GRID2: variants seen among roughly 807,000 people sequenced by gnomAD.
The protein encoded by GRID2 is glutamate receptor ionotropic, delta-2.
Under a neutral mutation model 114.8 loss-of-function variants are expected in GRID2, and 33 were observed. The observed-to-expected ratio is 0.29, with a 90% CI of 0.22 to 0.38. The LOEUF (loss-of-function observed/expected upper bound fraction) is 0.38, where lower values mean the gene tolerates loss of function less well. Ranked by LOEUF, GRID2 falls within the 10% of genes least tolerant of loss-of-function variation. The probability of loss-of-function intolerance (pLI) is 1.00; values close to 1 mark genes in which losing one functional copy is unlikely to be tolerated. For synonymous variants in GRID2, 505 were observed against 449.9 expected, an observed-to-expected ratio of 1.12 and a Z score of -1.55; for missense variants, 1,184 against 1,257.7, an observed-to-expected ratio of 0.94 and a Z score of 0.89.
intron 14 of GRID2, among the ~76,000 whole-genome samples, chr4:93,706,556 T>C (rs1175224702): frequency 3.3e-5 from 5 of 152,226 alleles, no homozygotes; most frequent in African/African-American, 1.2e-4. Context: ...GATTTTTGTA[T>C]GTTGATTTTG....
chr4:92,365,096 GA>G (rs1423882894), intron 1 of GRID2, among the ~76,000 whole-genome samples: 2 of 151,946 alleles, frequency 1.3e-5, no homozygotes, highest in Non-Finnish European at 2.9e-5. Context: ...TCAAAAAACT[GA>G]AAACTGAACT....
chr4:93,217,275 AG>A, intron 6 of GRID2: 1 of 159,606 alleles, frequency 6.3e-6, no homozygotes, highest in East Asian at 1.8e-4. Context: ...AGAAGGACAT[AG>A]ATATTTATTC....
intron 3 of GRID2, among the ~76,000 whole-genome samples, chr4:93,108,419 A>C (rs1732449548): frequency 6.6e-6 from 1 of 152,116 alleles, no homozygotes; most frequent in African/African-American, 2.4e-5. Context: ...CTGGTATTTT[A>C]TTTTTGTAAT....
At chr4:92,420,574 G>T (rs951366742) in intron 1 of GRID2, among the ~76,000 whole-genome samples, 1 of 152,110 alleles carries the variant, frequency 6.6e-6, no homozygotes, top group Admixed American at 6.6e-5. Context: ...TCAATCCCTA[G>T]TCTGTCCTTC....
At chr4:93,236,937 G>A in intron 7 of GRID2, among the ~76,000 whole-genome samples, 1 of 152,018 alleles carries the variant, frequency 6.6e-6, no homozygotes, top group East Asian at 1.9e-4. Flanking sequence ...AAGTAATGAT[G>A]ATAATAGTAT....
intron 1 of GRID2, among the ~76,000 whole-genome samples, chr4:92,568,933 A>G (rs1289921255): frequency 6.6e-6 from 1 of 151,896 alleles, no homozygotes; most frequent in South Asian, 2.1e-4. Flanking sequence ...ATACTATTCC[A>G]TGATGTATAT....
chr4:93,024,212 T>G (rs1339185388), intron 2 of GRID2, among the ~76,000 whole-genome samples: 3 of 151,752 alleles, frequency 2.0e-5, no homozygotes, highest in Non-Finnish European at 3.0e-5. Flanking sequence ...TTAATGAAAC[T>G]CCAAAATGTA....
chr4:93,290,872 C>CTTTTTT (rs56735687), intron 8 of GRID2, among the ~76,000 whole-genome samples: 16 of 88,524 alleles, frequency 1.8e-4, no homozygotes, highest in East Asian at 6.6e-4. Context: ...ATACAAGTTA[C>CTTTTTT]TTTTTTTTTT....
chr4:93,094,160 G>C (rs1731009613), intron 3 of GRID2, among the ~76,000 whole-genome samples: 1 of 151,992 alleles, frequency 6.6e-6, no homozygotes, highest in Non-Finnish European at 1.5e-5. Context: ...AGGAAAAAAA[G>C]GGTGTTTATT....
chr4:92,804,731 G>T (rs1272664239), intron 2 of GRID2, among the ~76,000 whole-genome samples: 1 of 151,984 alleles, frequency 6.6e-6, no homozygotes, highest in Non-Finnish European at 1.5e-5. Context: ...CACCAAGATT[G>T]CTTTGTGAGT....
chr4:92,646,397 TAC>T (rs1731626252), intron 2 of GRID2, among the ~76,000 whole-genome samples: 1 of 152,244 alleles, frequency 6.6e-6, no homozygotes, highest in Non-Finnish European at 1.5e-5. Flanking sequence ...AACCTGCCTG[TAC>T]AGAGCAGTAG....
At chr4:92,641,069 T>C (rs1579743173) in intron 2 of GRID2, among the ~76,000 whole-genome samples, 1 of 151,880 alleles carries the variant, frequency 6.6e-6, no homozygotes, top group East Asian at 2.0e-4. Flanking sequence ...TCATAGCTGA[T>C]CTAATTTTGT....
At chr4:93,021,690 T>C (rs1351795749) in intron 2 of GRID2, among the ~76,000 whole-genome samples, 9 of 145,416 alleles carry the variant, frequency 6.2e-5, no homozygotes, top group African/African-American at 2.2e-4. Flanking sequence ...TTATTTATAA[T>C]ATGTATATTA....
At chr4:93,124,707 TTAGA>T (rs1384437684) in intron 4 of GRID2, among the ~76,000 whole-genome samples, 6 of 152,144 alleles carry the variant, frequency 3.9e-5, no homozygotes, top group Admixed American at 2.0e-4. Flanking sequence ...TGTTGAAAAA[TTAGA>T]TAGTCTCTCT....
chr4:92,630,559 C>G (rs1467059199), intron 2 of GRID2, among the ~76,000 whole-genome samples: 1 of 152,140 alleles, frequency 6.6e-6, no homozygotes, highest in Non-Finnish European at 1.5e-5. Flanking sequence ...TCCACAGCAT[C>G]CTATGCTTAA....
intron 10 of GRID2, among the ~76,000 whole-genome samples, chr4:93,451,123 C>T (rs1722646082): frequency 6.6e-6 from 1 of 151,946 alleles, no homozygotes; most frequent in Non-Finnish European, 1.5e-5. Context: ...ATTTATTGAC[C>T]ATGAATTCTA....
At chr4:93,307,951 A>T (rs779415964) in intron 8 of GRID2, among the ~76,000 whole-genome samples, 1,555 of 149,858 alleles carry the variant, frequency 0.01, 8 homozygotes, top group Middle Eastern at 0.024. Context: ...TTTTTTTTTT[A>T]AAAACTTTTA....
intron 1 of GRID2, among the ~76,000 whole-genome samples, chr4:92,377,929 C>T (rs374243274): frequency 6.6e-6 from 1 of 152,070 alleles, no homozygotes; most frequent in African/African-American, 2.4e-5. Context: ...CACAGCCAAA[C>T]TATATCACTA....
At chr4:93,583,185 A>T (rs780676487) in intron 13 of GRID2, among the ~76,000 whole-genome samples, 3 of 152,150 alleles carry the variant, frequency 2.0e-5, no homozygotes, top group Non-Finnish European at 4.4e-5. Context: ...CCAGATCCTT[A>T]GTTATGTCTT....
Sources: allele counts gnomAD v4.1 joint callset (sites outside exome capture counted in the v4.1 genomes callset), GRCh38; gene constraint gnomAD v4.1.1; transcripts MANE v1.5; gene names NCBI Gene and HGNC (gene_info 2026-07-23, HGNC 2026-07-21).